Variants in DCDC1 observed in about 807,000 individuals in gnomAD.
The protein encoded by DCDC1 is doublecortin domain-containing protein 1.
In DCDC1, 200 loss-of-function variants were observed where a neutral mutation model predicts 178.3. That is an observed-to-expected ratio of 1.12 (90% CI 1.00 to 1.26). DCDC1 has a LOEUF of 1.26. Among genes scored for constraint, DCDC1 ranks in the 50% most tolerant of loss-of-function variants. DCDC1 has a pLI of 0.00. For synonymous variants in DCDC1, 690 were observed against 604.8 expected, an observed-to-expected ratio of 1.14 and a Z score of -2.07; for missense variants, 1,983 against 1,749.2, an observed-to-expected ratio of 1.13 and a Z score of -2.38.
chr11:31,299,775 A>G (rs1947960551), intron 6 of DCDC1, among the ~76,000 whole-genome samples: 1 of 152,164 alleles, frequency 6.6e-6, no homozygotes, highest in African/African-American at 2.4e-5. Context: ...GAAAAATAAC[A>G]TTTCAGGTAA....
intron 28 of DCDC1, among the ~76,000 whole-genome samples, chr11:30,909,901 T>C (rs1945326278): frequency 6.6e-6 from 1 of 152,180 alleles, no homozygotes; most frequent in Admixed American, 6.6e-5. Context: ...GTAGATTAGT[T>C]CTAACTAAAT....
chr11:31,031,218 A>G (rs1953604915), intron 20 of DCDC1, among the ~76,000 whole-genome samples: 1 of 152,164 alleles, frequency 6.6e-6, no homozygotes, highest in African/African-American at 2.4e-5. Context: ...ACAGGTTGTC[A>G]TTTTTGAAAC....
intron 7 of DCDC1, among the ~76,000 whole-genome samples, chr11:31,283,462 C>T (rs1053720380): frequency 5.9e-5 from 9 of 151,398 alleles, no homozygotes; most frequent in East Asian, 1.9e-4. Context: ...CAGTTCTCTT[C>T]GCATTATATT....
chr11:30,868,978 G>C (rs1220750348), intron 38 of DCDC1, among the ~76,000 whole-genome samples: 1 of 152,184 alleles, frequency 6.6e-6, no homozygotes, highest in Non-Finnish European at 1.5e-5. Context: ...TAGCCTGCCT[G>C]CACCAGGGAG....
chr11:30,903,547 G>A lies in DCDC1; in HGVS notation c.4445C>T (p.Ser1482Phe), dbSNP rs951277543. 3.1e-6 allele frequency: 5 copies of A among 1,606,942 alleles called. No homozygotes were observed. In the African/African-American group the frequency reaches 6.7e-5, roughly 21 times the overall value. The part of the protein sequence containing the change: ...ALDESFLQRD[S>F]EKQKQDAAPV... ...AGCTGCATCTTGCTTTTGTTTCTCA[G>A]AGTCTCTCTGGAGAAAGGATTCATC... The change falls in exon 32 of 39, where the codon TCT (serine) becomes TTT (phenylalanine). Residue 1482 changes from serine (S) to phenylalanine (F), a missense_variant. Physicochemically the swap from Ser to Phe is radical, Grantham distance 155 (BLOSUM62 -2). Transcript: ENST00000684477.
chr11:31,074,507 AC>A (rs1956754081), intron 18 of DCDC1, among the ~76,000 whole-genome samples: 1 of 152,044 alleles, frequency 6.6e-6, no homozygotes, highest in Non-Finnish European at 1.5e-5. Context: ...TGTCCCTTCT[AC>A]CATGTGAGAA....
chr11:31,037,470 TCACCCAGG>T (rs889533275), intron 20 of DCDC1, among the ~76,000 whole-genome samples: 6 of 145,490 alleles, frequency 4.1e-5, no homozygotes, highest in Non-Finnish European at 7.5e-5. Context: ...TCTCGCTCTG[TCACCCAGG>T]CTGGAGTGCA....
At chr11:30,913,334 G>T (rs552930851) in intron 27 of DCDC1, among the ~76,000 whole-genome samples, 12 of 151,962 alleles carry the variant, frequency 7.9e-5, no homozygotes, top group Non-Finnish European at 4.4e-5. Flanking sequence ...GCATGAACCC[G>T]GGAGGCGGAG....
At chr11:30,971,886 G>A (rs1370972292) in intron 20 of DCDC1, among the ~76,000 whole-genome samples, 3 of 152,052 alleles carry the variant, frequency 2.0e-5, no homozygotes. Flanking sequence ...TGGGATTACA[G>A]GCATGAGCCA....
chr11:31,186,654 C>A (rs1056155476), intron 9 of DCDC1, among the ~76,000 whole-genome samples: 7 of 152,360 alleles, frequency 4.6e-5, no homozygotes, highest in Admixed American at 4.6e-4. Context: ...ACCATGCCTG[C>A]CTACTGGGTT....
intron 20 of DCDC1, among the ~76,000 whole-genome samples, chr11:31,018,609 T>A (rs1952653025): frequency 6.6e-6 from 1 of 152,134 alleles, no homozygotes; most frequent in African/African-American, 2.4e-5. Flanking sequence ...AAGGTTTGGA[T>A]CTGGAGAGTT....
At chr11:31,324,027 G>C (rs10835763) in intron 3 of DCDC1, among the ~76,000 whole-genome samples, 2 of 151,890 alleles carry the variant, frequency 1.3e-5, no homozygotes, top group Non-Finnish European at 2.9e-5. Flanking sequence ...TGTAATTCTA[G>C]TTTGGCCTAA....
intron 24 of DCDC1, among the ~76,000 whole-genome samples, chr11:30,922,035 C>A (rs1460944354): frequency 2.0e-5 from 3 of 152,126 alleles, no homozygotes; most frequent in Non-Finnish European, 1.5e-5. Context: ...CCCAGAGTAT[C>A]GTCTGAACCA....
At chr11:31,230,421 C>G (rs1975623942) in intron 9 of DCDC1, among the ~76,000 whole-genome samples, 1 of 151,984 alleles carries the variant, frequency 6.6e-6, no homozygotes. Flanking sequence ...AATTACTACA[C>G]TGCAGAGGCT....
chr11:30,972,595 A>T (rs1949864436), intron 20 of DCDC1, among the ~76,000 whole-genome samples: 1 of 152,276 alleles, frequency 6.6e-6, no homozygotes, highest in Admixed American at 6.5e-5. Flanking sequence ...ACTATAGAAA[A>T]CCACCAAACC....
At chr11:31,263,967 G>A (rs1944969202) in intron 8 of DCDC1, among the ~76,000 whole-genome samples, 1 of 152,180 alleles carries the variant, frequency 6.6e-6, no homozygotes, top group Non-Finnish European at 1.5e-5. Context: ...TATCTCTAGA[G>A]ATATTAGATG....
chr11:30,933,442 C>T (rs1947069122), intron 21 of DCDC1, among the ~76,000 whole-genome samples: 3 of 152,032 alleles, frequency 2.0e-5, no homozygotes, highest in South Asian at 2.1e-4. Context: ...AAACTCTCAT[C>T]ACTTATGTGT....
intron 9 of DCDC1, among the ~76,000 whole-genome samples, chr11:31,150,915 T>C (rs1017654620): frequency 1.3e-5 from 2 of 152,234 alleles, no homozygotes; most frequent in Admixed American, 6.5e-5. Flanking sequence ...GTGTAAATTG[T>C]GTCAGGCAAT....
At chr11:31,073,581 A>G (rs954338141) in intron 18 of DCDC1, among the ~76,000 whole-genome samples, 3 of 152,194 alleles carry the variant, frequency 2.0e-5, no homozygotes, top group African/African-American at 7.2e-5. Context: ...TAAAAATTCT[A>G]CTTTTTATTT....
Sources: allele counts gnomAD v4.1 joint callset (sites outside exome capture counted in the v4.1 genomes callset), GRCh38; gene constraint gnomAD v4.1.1; transcripts MANE v1.5; gene names NCBI Gene and HGNC (gene_info 2026-07-23, HGNC 2026-07-21).